Variants in LRRIQ3 observed in about 807,000 individuals in gnomAD.
LRRIQ3 encodes the protein leucine rich repeats and IQ motif containing 3.
A neutral mutation model predicts 59.3 loss-of-function variants in LRRIQ3; 75 were observed. The observed-to-expected ratio is 1.26, with a 90% CI of 1.05 to 1.53. The LOEUF is 1.53. Among genes scored for constraint, LRRIQ3 ranks in the 40% most tolerant of loss-of-function variants. The probability of loss-of-function intolerance (pLI) is 0.00; values close to 1 mark genes in which losing one functional copy is unlikely to be tolerated. For synonymous variants in LRRIQ3, 250 were observed against 231.3 expected, an observed-to-expected ratio of 1.08 and a Z score of -0.73; for missense variants, 831 against 710.0, an observed-to-expected ratio of 1.17 and a Z score of -1.94.
chr1:74,060,559 C>A (rs1486782191), intron 6 of LRRIQ3, among the ~76,000 whole-genome samples: 2 of 152,008 alleles, frequency 1.3e-5, no homozygotes, highest in African/African-American at 4.8e-5. Flanking sequence ...TCTATATTTT[C>A]TAATGTCATT....
At chr1:74,144,524 A>G in intron 4 of LRRIQ3, 1 of 305,922 alleles carries the variant, frequency 3.3e-6, no homozygotes. Flanking sequence ...AGCAATCCTT[A>G]AATTCAGAGG....
intron 3 of LRRIQ3, among the ~76,000 whole-genome samples, chr1:74,177,144 T>C (rs1649691642): frequency 1.3e-5 from 2 of 152,204 alleles, no homozygotes. Flanking sequence ...CCCTTCTGTG[T>C]TGCTGAACTT....
At chr1:74,176,264 T>C (rs1444229890) in intron 3 of LRRIQ3, among the ~76,000 whole-genome samples, 1 of 152,190 alleles carries the variant, frequency 6.6e-6, no homozygotes, top group Non-Finnish European at 1.5e-5. Flanking sequence ...TTATTTTCTT[T>C]CTGAGCTTGA....
At chr1:74,075,554 G>A (rs1458705285) in intron 5 of LRRIQ3, among the ~76,000 whole-genome samples, 6 of 151,014 alleles carry the variant, frequency 4.0e-5, no homozygotes, top group South Asian at 2.1e-4. Context: ...GCAACAGAGC[G>A]AGACTCCGTC....
chr1:74,108,220 C>T (rs999592993), intron 5 of LRRIQ3, among the ~76,000 whole-genome samples: 2 of 151,584 alleles, frequency 1.3e-5, no homozygotes, highest in African/African-American at 2.4e-5. Flanking sequence ...AATCATACTC[C>T]GAAATCATAC....
intron 4 of LRRIQ3, among the ~76,000 whole-genome samples, chr1:74,139,935 G>A (rs1647200880): frequency 6.6e-6 from 1 of 151,782 alleles, no homozygotes; most frequent in African/African-American, 2.4e-5. Context: ...GAAATATAGA[G>A]TGTATCTTCC....
intron 6 of LRRIQ3, among the ~76,000 whole-genome samples, chr1:74,059,419 T>C (rs1022114560): frequency 2.0e-5 from 3 of 152,088 alleles, no homozygotes; most frequent in Non-Finnish European, 4.4e-5. Context: ...TTTTTGTACA[T>C]GGTGTGATGT....
chr1:74,120,187 G>A (rs13375255), intron 4 of LRRIQ3, among the ~76,000 whole-genome samples: 45,824 of 150,408 alleles, frequency 0.3, 7,724 homozygotes, highest in Middle Eastern at 0.45. Flanking sequence ...GCGTGATCTC[G>A]GCTCACTGCA....
chr1:74,104,287 G>A (rs905746258), intron 5 of LRRIQ3, among the ~76,000 whole-genome samples: 16 of 151,940 alleles, frequency 1.1e-4, no homozygotes, highest in African/African-American at 3.6e-4. Context: ...AAATGCTACA[G>A]CTGTTTGTAT....
At chr1:74,193,636 G>T (rs1165321561) in intron 1 of LRRIQ3, among the ~76,000 whole-genome samples, 2 of 152,096 alleles carry the variant, frequency 1.3e-5, no homozygotes, top group Non-Finnish European at 2.9e-5. Context: ...AGTCTTTGCT[G>T]AGTGTACTAA....
chr1:74,185,052 C>T (rs1210139696), intron 1 of LRRIQ3, among the ~76,000 whole-genome samples: 1 of 152,136 alleles, frequency 6.6e-6, no homozygotes, highest in Non-Finnish European at 1.5e-5. Flanking sequence ...TTTATCCATT[C>T]ACCTATTGAA....
At chr1:74,038,015 G>C (rs1653924500) in intron 7 of LRRIQ3, among the ~76,000 whole-genome samples, 1 of 152,216 alleles carries the variant, frequency 6.6e-6, no homozygotes, top group South Asian at 2.1e-4. Context: ...CCTTAGGGGA[G>C]AGGCACCAGC....
At chr1:74,147,515 A>G (rs774407975) in intron 4 of LRRIQ3, among the ~76,000 whole-genome samples, 4 of 152,194 alleles carry the variant, frequency 2.6e-5, no homozygotes, top group Non-Finnish European at 4.4e-5. Flanking sequence ...TTTTATGTCA[A>G]AATGCTAATC....
chr1:74,155,918 C>T, intron 3 of LRRIQ3, 52 bp from the exon 4 acceptor site: 1 of 1,014,168 alleles, frequency 9.9e-7, no homozygotes, highest in Admixed American at 3.7e-5. Context: ...AAAGTATTTT[C>T]AAAAGATATT....
intron 6 of LRRIQ3, among the ~76,000 whole-genome samples, chr1:74,043,102 T>C (rs746138642): frequency 2.0e-4 from 30 of 152,148 alleles, no homozygotes; most frequent in Non-Finnish European, 4.1e-4. Context: ...ATACAATAAA[T>C]TGAATCACAT....
At chr1:74,172,005 T>C (rs1203952985) in intron 3 of LRRIQ3, among the ~76,000 whole-genome samples, 1 of 152,172 alleles carries the variant, frequency 6.6e-6, no homozygotes, top group Non-Finnish European at 1.5e-5. Flanking sequence ...GTCTTCTTTT[T>C]TTCTGTGTTA....
intron 3 of LRRIQ3, among the ~76,000 whole-genome samples, chr1:74,171,326 C>T (rs1649309448): frequency 6.6e-6 from 1 of 152,096 alleles, no homozygotes; most frequent in Non-Finnish European, 1.5e-5. Flanking sequence ...TCTTTCCATA[C>T]ATAATTGTTG....
At chr1:74,115,929 C>G (rs1331579474) in intron 4 of LRRIQ3, among the ~76,000 whole-genome samples, 1 of 151,630 alleles carries the variant, frequency 6.6e-6, no homozygotes, top group Admixed American at 6.6e-5. Flanking sequence ...ATGACAAAAA[C>G]CAAATATTAA....
intron 4 of LRRIQ3, among the ~76,000 whole-genome samples, chr1:74,152,460 T>A (rs1031182204): frequency 1.3e-5 from 2 of 152,170 alleles, no homozygotes; most frequent in Non-Finnish European, 2.9e-5. Context: ...ACATTGTTGA[T>A]AGTAGTGTGT....
Sources: gnomAD v4.1 joint callset for allele counts (sites outside exome capture counted in the v4.1 genomes callset) on GRCh38, gnomAD v4.1.1 for gene constraint, MANE v1.5 for transcripts, NCBI Gene and HGNC (gene_info 2026-07-23, HGNC 2026-07-21) for gene names.